ZNF469: variants seen among roughly 807,000 people sequenced by gnomAD.
The protein encoded by ZNF469 is zinc finger protein 469.
A neutral mutation model predicts 1.0 loss-of-function variants in ZNF469; 1 was observed. The ratio of observed to expected loss-of-function variants is 1.00; its 90% CI spans 0.35 to 4.73. ZNF469 has a LOEUF of 4.73. ZNF469 is among the 30% of genes most tolerant of loss of function. The probability of loss-of-function intolerance (pLI) is 0.16; values close to 1 mark genes in which losing one functional copy is unlikely to be tolerated. For synonymous variants in ZNF469, 2,703 were observed against 2,363.4 expected, an observed-to-expected ratio of 1.14 and a Z score of -4.17; for missense variants, 6,100 against 5,356.3, an observed-to-expected ratio of 1.14 and a Z score of -4.33.
the ZNF469 span, among the ~76,000 whole-genome samples, chr16:88,375,796 A>G: frequency 6.6e-6 from 1 of 152,246 alleles, no homozygotes; most frequent in African/African-American, 2.4e-5. Flanking sequence ...AACGAAGGAA[A>G]TCGTCTGACT....
chr16:88,134,542 G>A, the ZNF469 span, among the ~76,000 whole-genome samples: 1 of 152,224 alleles, frequency 6.6e-6, no homozygotes, highest in South Asian at 2.1e-4. Context: ...GTATCTATTA[G>A]TTATTTAGAG....
the ZNF469 span, among the ~76,000 whole-genome samples, chr16:88,162,897 A>G: frequency 1.3e-5 from 2 of 152,268 alleles, no homozygotes; most frequent in Non-Finnish European, 2.9e-5. Context: ...AGAACTTTGT[A>G]AACTCAGCAT....
chr16:88,294,981 T>C, the ZNF469 span: 1,965 of 94,862 alleles, frequency 0.021, no homozygotes, highest in Middle Eastern at 0.091. Flanking sequence ...CTGGGGAGGA[T>C]GTCATCTCTA....
the ZNF469 span, among the ~76,000 whole-genome samples, chr16:88,181,977 A>G: frequency 6.6e-6 from 1 of 152,248 alleles, no homozygotes; most frequent in African/African-American, 2.4e-5. Flanking sequence ...TCATCGATGT[A>G]GAAAATCCTA....
chr16:88,165,747 T>C, the ZNF469 span, among the ~76,000 whole-genome samples: 1 of 152,204 alleles, frequency 6.6e-6, no homozygotes, highest in African/African-American at 2.4e-5. Flanking sequence ...GATTCCACAC[T>C]GAAACTGTGT....
At chr16:88,301,237 C>T in the ZNF469 span, among the ~76,000 whole-genome samples, 1 of 151,870 alleles carries the variant, frequency 6.6e-6, no homozygotes, top group Non-Finnish European at 1.5e-5. Flanking sequence ...TCACTGCAAG[C>T]TTCACCTCCC....
chr16:88,393,618 G>T (rs1017913761), intron 1 of ZNF469, among the ~76,000 whole-genome samples: 2 of 152,190 alleles, frequency 1.3e-5, no homozygotes, highest in African/African-American at 4.8e-5. Flanking sequence ...GCAGGAGGAG[G>T]GGTTCGGGTG....
the ZNF469 span, among the ~76,000 whole-genome samples, chr16:88,260,782 C>T: frequency 0.014 from 2,204 of 152,284 alleles, 21 homozygotes; most frequent in South Asian, 0.03. The surrounding 1 kb of genome is among the most constrained non-coding windows in gnomAD (Gnocchi z 4.1). Flanking sequence ...AGGGTCTCTG[C>T]AGATGTGATT....
chr16:88,213,335 G>A, the ZNF469 span, among the ~76,000 whole-genome samples: 87 of 152,194 alleles, frequency 5.7e-4, 1 homozygote, highest in East Asian at 0.017. Flanking sequence ...TCCTGACCTC[G>A]TAATCCGCTC....
chr16:88,320,158 A>T, the ZNF469 span, among the ~76,000 whole-genome samples: 4 of 152,232 alleles, frequency 2.6e-5, no homozygotes, highest in Non-Finnish European at 5.9e-5. Flanking sequence ...CAGAAGTTAA[A>T]CAGGCTGAGT....
the ZNF469 span, among the ~76,000 whole-genome samples, chr16:88,132,167 C>T: frequency 6.6e-6 from 1 of 152,230 alleles, no homozygotes; most frequent in African/African-American, 2.4e-5. Context: ...TCAGGCTGCA[C>T]TTGGGGTCAT....
At chr16:88,224,613 C>A in the ZNF469 span, among the ~76,000 whole-genome samples, 1 of 152,190 alleles carries the variant, frequency 6.6e-6, no homozygotes, top group Non-Finnish European at 1.5e-5. Flanking sequence ...CAGCCTGACA[C>A]GCAGCAGGAG....
At chr16:88,127,986 G>A in the ZNF469 span, among the ~76,000 whole-genome samples, 7,421 of 152,264 alleles carry the variant, frequency 0.049, 327 homozygotes, top group East Asian at 0.14. Flanking sequence ...TGCCTGTGCC[G>A]GCGGCCACAG....
chr16:88,137,451 T>G, the ZNF469 span, among the ~76,000 whole-genome samples: 2 of 152,180 alleles, frequency 1.3e-5, no homozygotes, highest in Admixed American at 6.5e-5. Context: ...TGTGTGCAGC[T>G]ATGCATGCAT....
chr16:88,293,922 G>T, the ZNF469 span, among the ~76,000 whole-genome samples: 1 of 152,158 alleles, frequency 6.6e-6, no homozygotes, highest in Non-Finnish European at 1.5e-5. Context: ...TGGGGTTCAC[G>T]TGACACAGGT....
chr16:88,408,517 G>T (rs539894525), intron 1 of ZNF469, among the ~76,000 whole-genome samples: 1 of 152,364 alleles, frequency 6.6e-6, no homozygotes, highest in Admixed American at 6.5e-5. Flanking sequence ...AGGAGAAAAA[G>T]ATTGAGGAAT....
chr16:88,266,851 T>G, the ZNF469 span, among the ~76,000 whole-genome samples: 1 of 152,214 alleles, frequency 6.6e-6, no homozygotes, highest in African/African-American at 2.4e-5. Context: ...CCCTGAGTAC[T>G]TTTCCCCTGC....
At chr16:88,295,908 A>C in the ZNF469 span, among the ~76,000 whole-genome samples, 1 of 152,180 alleles carries the variant, frequency 6.6e-6, no homozygotes, top group African/African-American at 2.4e-5. Context: ...CGCCCCAGAA[A>C]TATGGAAGGC....
chr16:88,115,732 T>C, the ZNF469 span, among the ~76,000 whole-genome samples: 7 of 149,178 alleles, frequency 4.7e-5, no homozygotes, highest in African/African-American at 9.9e-5. Flanking sequence ...GCCGTACTCC[T>C]TCTGGGGGCT....
Sources: allele counts gnomAD v4.1 joint callset (sites outside exome capture counted in the v4.1 genomes callset), GRCh38; gene constraint gnomAD v4.1.1; non-coding constraint Gnocchi (gnomAD v3.1); transcripts MANE v1.5; gene names NCBI Gene and HGNC (gene_info 2026-07-23, HGNC 2026-07-21).